The following NYAP2 variants were observed in gnomAD, a reference collection of about 807,000 sequenced individuals.
NYAP2 encodes neuronal tyrosine-phosphorylated phosphoinositide-3-kinase adapter 2.
A neutral mutation model predicts 50.4 loss-of-function variants in NYAP2; 23 were observed. The ratio of observed to expected loss-of-function variants is 0.46; its 90% confidence interval spans 0.33 to 0.65. NYAP2 has a LOEUF of 0.65. Among genes scored for constraint, NYAP2 ranks in the 30% least tolerant of loss-of-function variants. The probability of loss-of-function intolerance (pLI) is 0.02; values close to 1 mark genes in which losing one functional copy is unlikely to be tolerated. For missense variants in NYAP2, 885 were observed against 861.0 expected (o/e 1.03, Z -0.35); for synonymous variants, 394 against 365.2 (o/e 1.08, Z -0.90).
downstream of NYAP2, among the ~76,000 whole-genome samples, chr2:225,656,684 A>C (rs1693832401): frequency 6.6e-6 from 1 of 152,178 alleles, no homozygotes; most frequent in Non-Finnish European, 1.5e-5. Context: ...AGACTTAAAA[A>C]AAGAAGATAG....
intron 5 of NYAP2, among the ~76,000 whole-genome samples, chr2:225,591,451 A>G (rs560976631): frequency 1.6e-4 from 24 of 152,288 alleles, no homozygotes; most frequent in Admixed American, 1.1e-3. Flanking sequence ...GGAACATCAA[A>G]GAAACTAGTG....
chr2:225,460,957 C>T (rs1379373749), intron 3 of NYAP2, among the ~76,000 whole-genome samples: 9 of 138,598 alleles, frequency 6.5e-5, no homozygotes, highest in Non-Finnish European at 1.5e-5. Context: ...CGCGCCACTG[C>T]ACTCCTGCCT....
intron 6 of NYAP2, among the ~76,000 whole-genome samples, chr2:225,641,593 T>C (rs1693535830): frequency 6.6e-6 from 1 of 151,950 alleles, no homozygotes; most frequent in Non-Finnish European, 1.5e-5. Context: ...GGTGGGTGGA[T>C]CACGATGTCA....
intron 3 of NYAP2, among the ~76,000 whole-genome samples, chr2:225,433,188 C>G (rs1689297417): frequency 6.6e-6 from 1 of 151,956 alleles, no homozygotes; most frequent in African/African-American, 2.4e-5. Context: ...TATGTATTCA[C>G]TAAGAAAGCC....
chr2:225,528,677 G>A, intron 4 of NYAP2, among the ~76,000 whole-genome samples: 1 of 152,218 alleles, frequency 6.6e-6, no homozygotes, highest in East Asian at 1.9e-4. Flanking sequence ...TAAATCCCTA[G>A]AGAGTTGTGG....
At chr2:225,606,522 TA>T (rs1174716237) in intron 5 of NYAP2, among the ~76,000 whole-genome samples, 1 of 152,166 alleles carries the variant, frequency 6.6e-6, no homozygotes, top group African/African-American at 2.4e-5. Context: ...TCCCAACCTA[TA>T]AAATGTCTAT....
chr2:225,524,274 A>C (rs1691115253), intron 4 of NYAP2, among the ~76,000 whole-genome samples: 1 of 152,170 alleles, frequency 6.6e-6, no homozygotes, highest in South Asian at 2.1e-4. Flanking sequence ...AAGTGGAAGA[A>C]CTTGGAGTCT....
At chr2:225,599,367 A>T (rs1692659378) in intron 5 of NYAP2, among the ~76,000 whole-genome samples, 1 of 152,346 alleles carries the variant, frequency 6.6e-6, no homozygotes, top group South Asian at 2.1e-4. Context: ...GAGGCCTATG[A>T]AAGTAAGAAC....
chr2:225,459,659 T>A (rs1410546003), intron 3 of NYAP2, among the ~76,000 whole-genome samples: 1 of 152,016 alleles, frequency 6.6e-6, no homozygotes, highest in East Asian at 1.9e-4. Context: ...TTATTTATTT[T>A]TTGAGATGGT....
chr2:225,441,900 T>G (rs1045762379), intron 3 of NYAP2, among the ~76,000 whole-genome samples: 3 of 152,230 alleles, frequency 2.0e-5, no homozygotes, highest in Non-Finnish European at 2.9e-5. Context: ...AATACCTATG[T>G]CATACATACC....
intron 5 of NYAP2, among the ~76,000 whole-genome samples, chr2:225,596,198 TTC>T (rs1692593735): frequency 6.6e-6 from 1 of 152,110 alleles, no homozygotes. Context: ...GTTAAGATTT[TTC>T]TGTTTATTTC....
At chr2:225,656,088 A>G (rs1053694245), downstream of NYAP2, among the ~76,000 whole-genome samples, 1 of 152,150 alleles carries the variant, frequency 6.6e-6, no homozygotes, top group East Asian at 1.9e-4. Context: ...TGTTTATCAC[A>G]CTAAACTGAA....
chr2:225,433,912 A>G (rs769805079), intron 3 of NYAP2, among the ~76,000 whole-genome samples: 2 of 151,932 alleles, frequency 1.3e-5, no homozygotes, highest in Non-Finnish European at 2.9e-5. Context: ...TGCAAATATC[A>G]GTATTTAGGG....
In NYAP2 at chr2:225,537,534, C is replaced by T. The variant is rs1056111775; in HGVS notation, c.523+23862C>T. Among the ~76,000 whole-genome samples the T allele has an allele frequency of 6.6e-5, 10 of 152,266 alleles. No individual in the cohort carries two copies. In the South Asian group the frequency reaches 1.7e-3, roughly 25 times the overall value. On this transcript the variant is annotated intron_variant, in intron 4 of 6. Transcript: ENST00000636099. ...CCCCCTTATAATAACCATCAGATCT[C>T]ATGAGACTTATTCACTATCATGATA...
In NYAP2 at chr2:225,561,446, A is replaced by G. The variant is rs571837596; in HGVS notation, c.524-20495A>G. Among the ~76,000 whole-genome samples the G allele has an allele frequency of 7.2e-5, 11 of 152,252 alleles. No homozygotes were observed. In the South Asian group the frequency reaches 2.3e-3, roughly 32 times the overall value. On this transcript the variant is annotated intron_variant, in intron 4 of 6. Coordinates refer to ENST00000636099, the Ensembl canonical transcript of NYAP2. Reference sequence around the variant, plus strand: ...GAAGTTGGAAGGACGGGCAAGGGTTAGTCAACTCATGGCATTATAAGACCC... The same window carrying G: ...GAAGTTGGAAGGACGGGCAAGGGTTGGTCAACTCATGGCATTATAAGACCC...
chr2:225,522,824 A>C (rs1465647), intron 4 of NYAP2, among the ~76,000 whole-genome samples: 92,300 of 152,044 alleles, frequency 0.61, 29,224 homozygotes, highest in African/African-American at 0.79. Flanking sequence ...GGCATGACAA[A>C]CACGTGCCTT....
chr2:225,446,648 T>C (rs946676460), intron 3 of NYAP2, among the ~76,000 whole-genome samples: 1 of 152,156 alleles, frequency 6.6e-6, no homozygotes, highest in African/African-American at 2.4e-5. Flanking sequence ...CAATCTTTAG[T>C]GGTTAGCAAT....
chr2:225,454,030 T>G (rs1689696314), intron 3 of NYAP2, among the ~76,000 whole-genome samples: 1 of 152,104 alleles, frequency 6.6e-6, no homozygotes, highest in Admixed American at 6.6e-5. Flanking sequence ...AATGTAAAAC[T>G]TTTGAGGCCA....
At chr2:225,592,909 TG>T (rs1692534527) in intron 5 of NYAP2, among the ~76,000 whole-genome samples, 1 of 152,194 alleles carries the variant, frequency 6.6e-6, no homozygotes, top group Admixed American at 6.5e-5. Flanking sequence ...ATGTATAAAA[TG>T]CAGAAACATT....
Sources: allele counts gnomAD v4.1 joint callset (sites outside exome capture counted in the v4.1 genomes callset), GRCh38; gene constraint gnomAD v4.1.1; transcripts MANE v1.5; gene names NCBI Gene and HGNC (gene_info 2026-07-23, HGNC 2026-07-21).